Variants in ODAD2 observed in about 807,000 individuals in gnomAD.
ODAD2 encodes the protein outer dynein arm docking complex subunit 2.
Under a neutral mutation model 106.8 loss-of-function variants are expected in ODAD2, and 89 were observed. The ratio of observed to expected loss-of-function variants is 0.83; its 90% CI spans 0.70 to 0.99. The LOEUF is 0.99. ODAD2 is among the 50% of genes least tolerant of loss of function. The pLI is 0.00. For synonymous variants in ODAD2, 404 were observed against 436.2 expected, an observed-to-expected ratio of 0.93 and a Z score of 0.92; for missense variants, 1,168 against 1,238.5, an observed-to-expected ratio of 0.94 and a Z score of 0.85.
chr10:27,963,979 T>C (rs1228911714), intron 9 of ODAD2, among the ~76,000 whole-genome samples: 1 of 152,168 alleles, frequency 6.6e-6, no homozygotes, highest in Non-Finnish European at 1.5e-5. Flanking sequence ...CCCAGCACTT[T>C]GGGAAGCCGA....
At chr10:27,909,766 C>T (rs1444278877) in intron 16 of ODAD2, among the ~76,000 whole-genome samples, 1 of 126,982 alleles carries the variant, frequency 7.9e-6, no homozygotes, top group Non-Finnish European at 1.6e-5. Flanking sequence ...TGCAGTGAGT[C>T]GAGATTGCAC....
At chr10:27,814,875 A>G (rs946026506) in intron 19 of ODAD2, among the ~76,000 whole-genome samples, 1 of 152,210 alleles carries the variant, frequency 6.6e-6, no homozygotes, top group Non-Finnish European at 1.5e-5. Context: ...GTCAACAACA[A>G]GGCAAATCCA....
intron 2 of ODAD2, among the ~76,000 whole-genome samples, chr10:27,994,207 C>G (rs2133224502): frequency 6.6e-6 from 1 of 151,924 alleles, no homozygotes; most frequent in South Asian, 2.1e-4. Context: ...TTGAAAGGCT[C>G]TAATCTGAGG....
chr10:27,947,313 A>C (rs1467006838), intron 10 of ODAD2, among the ~76,000 whole-genome samples: 2 of 152,166 alleles, frequency 1.3e-5, no homozygotes, highest in African/African-American at 2.4e-5. Flanking sequence ...ATAAAGAAGA[A>C]TCTAGTCTGA....
chr10:27,852,914 T>A (rs1839374103), intron 19 of ODAD2, among the ~76,000 whole-genome samples: 1 of 136,748 alleles, frequency 7.3e-6, no homozygotes, highest in Non-Finnish European at 1.5e-5. Context: ...TGAGCTGAGA[T>A]CGCGCCGTTG....
chr10:27,885,674 T>TATATA (rs1842095337), intron 17 of ODAD2, among the ~76,000 whole-genome samples: 2 of 15,956 alleles, frequency 1.3e-4, no homozygotes, highest in South Asian at 2.3e-3. Flanking sequence ...ATATATAAAA[T>TATATA]ATATATAATA....
intron 10 of ODAD2, among the ~76,000 whole-genome samples, chr10:27,945,827 G>A (rs1846875032): frequency 6.6e-6 from 1 of 151,436 alleles, no homozygotes; most frequent in Admixed American, 6.6e-5. Flanking sequence ...AAGAGTTCTG[G>A]CATCAGCACT....
chr10:27,941,625 T>C (rs1438695922), intron 12 of ODAD2, among the ~76,000 whole-genome samples: 2 of 111,244 alleles, frequency 1.8e-5, no homozygotes, highest in African/African-American at 6.6e-5. Flanking sequence ...TTGCAATAAC[T>C]AAAGTCACTG....
chr10:27,983,257 T>C (rs1428592645), intron 6 of ODAD2, among the ~76,000 whole-genome samples: 5 of 152,166 alleles, frequency 3.3e-5, no homozygotes. Flanking sequence ...AGCTCTGCCA[T>C]CTCTACAAGG....
intron 16 of ODAD2, among the ~76,000 whole-genome samples, chr10:27,911,217 C>T (rs1470320072): frequency 6.6e-6 from 1 of 152,096 alleles, no homozygotes; most frequent in African/African-American, 2.4e-5. Flanking sequence ...AAACAGATTG[C>T]CAAATGGACA....
Position 27,917,813 on chromosome 10 carries a change from G to A in ODAD2, c.2496-10036C>T, listed in dbSNP as rs192894064. 2.8e-3 allele frequency among the ~76,000 whole-genome samples: 431 copies of A among 151,808 alleles called. 3 individuals are homozygous for A. The highest frequency in any genetic ancestry group is 9.9e-3 in the African/African-American group (412 of 41,508). On this transcript the variant is annotated intron_variant, in intron 16 of 19. Coordinates refer to ENST00000305242, the MANE Select transcript of ODAD2 (RefSeq NM_018076.5). ...CCATGGTCCTCCCAAAAAAGAGACT[G>A]ATGGAGAGAGAGAAAAATGAGAACT... is the stretch of plus-strand genomic sequence containing the variant.
intron 17 of ODAD2, among the ~76,000 whole-genome samples, chr10:27,899,969 G>A (rs1049408016): frequency 1.3e-5 from 2 of 152,120 alleles, no homozygotes; most frequent in African/African-American, 2.4e-5. Flanking sequence ...CTCTGCTAAG[G>A]GACAGACTGC....
chr10:27,888,486 T>G (rs756107542), intron 17 of ODAD2, among the ~76,000 whole-genome samples: 3 of 152,192 alleles, frequency 2.0e-5, no homozygotes, highest in East Asian at 1.9e-4. Context: ...AAATGTCTAT[T>G]CATGTTCTTT....
chr10:27,868,981 A>C (rs1481030018), intron 17 of ODAD2, among the ~76,000 whole-genome samples: 1 of 152,100 alleles, frequency 6.6e-6, no homozygotes, highest in African/African-American at 2.4e-5. Context: ...GTAAGATAAA[A>C]TTTCAATAGG....
chr10:27,876,836 T>C (rs546667791), intron 17 of ODAD2, among the ~76,000 whole-genome samples: 3 of 152,372 alleles, frequency 2.0e-5, no homozygotes, highest in African/African-American at 7.2e-5. Context: ...GATGAACTTC[T>C]TGAGCTGCAG....
intron 9 of ODAD2, among the ~76,000 whole-genome samples, chr10:27,966,730 T>C (rs1476931403): frequency 6.6e-6 from 1 of 152,198 alleles, no homozygotes; most frequent in Non-Finnish European, 1.5e-5. Flanking sequence ...CTTGGATACA[T>C]TAAAACTTTA....
chr10:27,828,241 C>T (rs1354106730), intron 19 of ODAD2, among the ~76,000 whole-genome samples: 1 of 152,166 alleles, frequency 6.6e-6, no homozygotes, highest in African/African-American at 2.4e-5. Flanking sequence ...GGCAAGGAGG[C>T]TCTTGAGAGA....
chr10:27,839,282 AC>A (rs1186896311), intron 19 of ODAD2, among the ~76,000 whole-genome samples: 1 of 152,222 alleles, frequency 6.6e-6, no homozygotes, highest in Admixed American at 6.5e-5. Flanking sequence ...TAAAAATATG[AC>A]ACGCGGCAGC....
At chr10:27,836,687 T>C (rs565906992) in intron 19 of ODAD2, among the ~76,000 whole-genome samples, 1 of 152,332 alleles carries the variant, frequency 6.6e-6, no homozygotes, top group Admixed American at 6.5e-5. Context: ...ATTAGTTTTA[T>C]GGTAGGACAT....
Sources: allele counts gnomAD v4.1 joint callset (sites outside exome capture counted in the v4.1 genomes callset), GRCh38; gene constraint gnomAD v4.1.1; transcripts MANE v1.5; gene names NCBI Gene and HGNC (gene_info 2026-07-23, HGNC 2026-07-21).